SH2B1: variants seen among roughly 807,000 people sequenced by gnomAD.
SH2B1 encodes the protein SH2B adapter protein 1.
In SH2B1, 15 loss-of-function variants were observed where a neutral mutation model predicts 62.6. That is an observed-to-expected ratio of 0.24 (90% CI 0.16 to 0.37). SH2B1 has a LOEUF of 0.37. SH2B1 is among the 10% of genes least tolerant of loss of function. The pLI is 1.00. For missense variants in SH2B1, 925 were observed against 1,015.6 expected (o/e 0.91, Z 1.21); for synonymous variants, 443 against 438.0 (o/e 1.01, Z -0.14).
In SH2B1 at chr16:28,864,083, C is replaced by A. The variant is rs1479186159; in HGVS notation, c.-2012C>A. On this transcript the variant is annotated 5_prime_UTR_variant, in exon 1 of 8. An upstream open reading frame in the 5' UTR gains an earlier in-frame stop. Transcript: ENST00000684370. ...GAGAGGCACTCGGCCCCGGAGAGTG[C>A]AGCAGACAGGGCTGGTCCCGAGGTG... 7.6e-7 allele frequency: 1 copy of A among 1,319,524 alleles called. No individual in the cohort carries two copies. The highest frequency in any genetic ancestry group is 1.5e-5 in the African/African-American group (1 of 65,914). The allele number at this position is 1,319,524 out of a possible 1,614,324, so 81.7% of individuals were successfully genotyped here. A position where few individuals can be genotyped will look rare whatever the true frequency, so the allele number is the denominator to read the frequency against.
At chr16:28,853,034 G>T (rs1159798479) in intron 1 of SH2B1, among the ~76,000 whole-genome samples, 2 of 77,934 alleles carry the variant, frequency 2.6e-5, no homozygotes, top group Non-Finnish European at 4.4e-5. Flanking sequence ...ACATATATAT[G>T]TACATATATA....
chr16:28,855,787 C>T (rs1962309880), intron 1 of SH2B1, among the ~76,000 whole-genome samples: 1 of 149,284 alleles, frequency 6.7e-6, no homozygotes, highest in African/African-American at 2.4e-5. Context: ...CTACAGGCGC[C>T]CGCCAGCACG....
At position 28,865,457 on chromosome 16, in the gene SH2B1, G is replaced by T; in HGVS notation, c.-638G>T. ...GGTCTAGAATCCCAGCTCCTCTCTA[G>T]CCCCCTGCGAGCTGGGGCGGTGAGG... is the stretch of plus-strand genomic sequence containing the variant. On this transcript the variant is annotated 5_prime_UTR_variant, in exon 1 of 8. It removes the in-frame stop codon of an upstream open reading frame in the 5' UTR. Transcript: ENST00000684370. The T allele has an allele frequency of 1.0e-6, 1 of 985,582 alleles. No individual in the cohort carries two copies. The allele number at this position is 985,582 out of a possible 1,614,324, so 61.1% of individuals were successfully genotyped here.
Position 28,872,463 on chromosome 16 carries a change from C to T in SH2B1, c.1725+62C>T, listed in dbSNP as rs1252264870. The T allele has an allele frequency of 6.4e-6, 10 of 1,572,260 alleles. No individual in the cohort carries two copies. Among genetic ancestry groups the T allele is most frequent in the African/African-American group, 5.4e-5 (4 of 74,424 alleles). On this transcript the variant is annotated intron_variant, in intron 6 of 7. Coordinates refer to ENST00000684370, the MANE Select transcript of SH2B1 (RefSeq NM_001387430.1). The surrounding 1 kb of genome is among the most constrained non-coding windows in gnomAD (Gnocchi z 5.3). The stretch of plus-strand genomic sequence containing the variant: ...TAGTTGGCAGTGGGGTGGGGGAGCA[C>T]TGCCGGGGGAGGGGGTTTGTACCTG...
At chr16:28,853,014 T>TTTATATGTACA (rs1962223340) in intron 1 of SH2B1, among the ~76,000 whole-genome samples, 3 of 77,106 alleles carry the variant, frequency 3.9e-5, no homozygotes, top group South Asian at 3.1e-4. Context: ...ACATATATAT[T>TTTATATGTACA]TATATATGTA....
chr16:28,847,162 G>A (rs757053442), intron 1 of SH2B1, among the ~76,000 whole-genome samples: 32 of 152,334 alleles, frequency 2.1e-4, no homozygotes, highest in Middle Eastern at 3.4e-3. Flanking sequence ...CAGATGAGGA[G>A]CCAAGGATGA....
Position 28,874,004 on chromosome 16 carries a change from C to A in SH2B1, c.*184C>A. On this transcript the variant is annotated 3_prime_UTR_variant, in exon 8 of 8. Transcript: ENST00000684370. ...CCCGTCACACACTACAGGTCCCCTC[C>A]CCAGGGCAGGGGATTTGGGCTCCAT... The A allele has an allele frequency of 2.0e-6, 1 of 497,496 alleles. No individual in the cohort carries two copies. The highest frequency in any genetic ancestry group is 3.2e-6 in the Non-Finnish European group (1 of 315,100). 30.8% of individuals were successfully genotyped at this position (497,496 alleles called of 1,614,324 possible).
At position 28,864,834 on chromosome 16, in the gene SH2B1, A is replaced by G. The variant is rs1962597967; in HGVS notation, c.-1261A>G. 2 of 266,964 alleles carry G rather than the reference A, an allele frequency of 7.5e-6. No homozygotes were observed. The highest frequency in any genetic ancestry group is 1.8e-3 in the Middle Eastern group (1 of 546). 16.5% of individuals were successfully genotyped at this position (266,964 alleles called of 1,614,324 possible). On this transcript the variant is annotated 5_prime_UTR_variant, in exon 1 of 8. Transcript: ENST00000684370. ...AATAATATTCTTCTCCCACATGAAGATAGTAACAATGGCAGTCGTTCAGCG... is the reference window on the plus strand; with the variant it reads ...AATAATATTCTTCTCCCACATGAAGGTAGTAACAATGGCAGTCGTTCAGCG...
At chr16:28,853,768 G>A in intron 1 of SH2B1, among the ~76,000 whole-genome samples, 1 of 151,408 alleles carries the variant, frequency 6.6e-6, no homozygotes, top group East Asian at 2.0e-4. Flanking sequence ...GGGAGGCCAA[G>A]GCGGGCGGAT....
chr16:28,871,620 A>G (rs1332447708), intron 4 of SH2B1, among the ~76,000 whole-genome samples, 160 bp from the exon 5 acceptor site: 2 of 152,166 alleles, frequency 1.3e-5, no homozygotes, highest in African/African-American at 4.8e-5. Context: ...ATCAGTTAGG[A>G]GCCATTGGTA....
Position 28,873,783 on chromosome 16 carries a change from AC to A in SH2B1, c.2238del (p.Arg747GlyfsTer54). The A allele has an allele frequency of 6.8e-7, 1 of 1,461,636 alleles. No homozygotes were observed. The highest frequency in any genetic ancestry group is 9.0e-7 in the Non-Finnish European group (1 of 1,108,636). The allele number at this position is 1,461,636 out of a possible 1,614,324, so 90.5% of individuals were successfully genotyped here. A position where few individuals can be genotyped will look rare whatever the true frequency, so the allele number is the denominator to read the frequency against. On this transcript the variant is annotated frameshift_variant, in exon 8 of 8. Transcript: ENST00000684370. LOFTEE classifies it high-confidence loss of function. The surrounding 1 kb of genome is among the most constrained non-coding windows in gnomAD (Gnocchi z 4.2). ...GGGGGTGATGGAGAGGAAGGGGGCC[AC>A]CCCAGGGCCATTAACAACCAGTACT... ...PLGGDGEEGG[H>X]PRAINNQYSF...
rs560047552 is a variant in SH2B1 at position 28,870,196 on chromosome 16, G to A, written c.1309+813G>A. Among the ~76,000 whole-genome samples, 18 of 152,362 alleles carry A rather than the reference G, an allele frequency of 1.2e-4. No homozygotes were observed. In the South Asian group the frequency reaches 3.5e-3, roughly 30 times the overall value. ...GACAGACTTGGAGGATGGCCCTAGT[G>A]CATACCTGGCCCTGCTCTGTGTCCC... On this transcript the variant is annotated intron_variant, in intron 4 of 7. Transcript: ENST00000684370.
Position 28,866,217 on chromosome 16 carries a change from T to C in SH2B1, c.123T>C (p.Phe41=), listed in dbSNP as rs753271184. The change falls in exon 1 of 8, where the codon TTT becomes TTC. Residue 41 remains phenylalanine (F), a synonymous_variant. Coordinates refer to ENST00000684370, the MANE Select transcript of SH2B1 (RefSeq NM_001387430.1). This position sits in a 1 kb window ranked among gnomAD's most constrained non-coding sequence, Gnocchi z 6.3. The stretch of plus-strand genomic sequence containing the variant: ...ACGCCCGGGCTGCGGCTCTGGACTT[T>C]GCCCGCCGTTTTCGCCTCTACCTGG... The part of the protein sequence containing the change: ...ESHARAAALD[F]ARRFRLYLAS... 6.2e-6 allele frequency: 10 copies of C among 1,607,502 alleles called. No homozygotes were observed. The highest frequency in any genetic ancestry group is 5.0e-5 in the Admixed American group (3 of 59,694).
At position 28,869,030 on chromosome 16, in the gene SH2B1, A is replaced by G. The variant is rs776972338; in HGVS notation, c.1066A>G (p.Met356Val). The change falls in exon 3 of 8, where the codon ATG becomes GTG. Residue 356 changes from methionine (M) to valine (V), a missense_variant. Physicochemically the swap from Met to Val is conservative, Grantham distance 21. This residue lies in a region of SH2B1 where 683 missense variants were observed against 704.0 expected (regional missense o/e 0.97). Coordinates refer to ENST00000684370, the MANE Select transcript of SH2B1 (RefSeq NM_001387430.1). ...VKVEGPSEYI[M>V]ETVDAQHVKA... Reference sequence around the variant, plus strand: ...GGTGGAAGGTCCATCCGAGTATATCATGGAGACAGTGGATGCCCAGCATGT... The same window carrying G: ...GGTGGAAGGTCCATCCGAGTATATCGTGGAGACAGTGGATGCCCAGCATGT... 31 of 1,613,978 alleles carry G rather than the reference A, an allele frequency of 1.9e-5. No individual in the cohort carries two copies. Among genetic ancestry groups the G allele is most frequent in the Non-Finnish European group, 2.3e-5 (27 of 1,179,988 alleles).
chr16:28,852,863 T>TG, intron 1 of SH2B1, among the ~76,000 whole-genome samples: 1 of 91,450 alleles, frequency 1.1e-5, no homozygotes, highest in Non-Finnish European at 1.9e-5. Flanking sequence ...TTTATATATA[T>TG]TTACATATAT....
chr16:28,847,157 G>A (rs1362435508), intron 1 of SH2B1, among the ~76,000 whole-genome samples: 5 of 152,222 alleles, frequency 3.3e-5, no homozygotes, highest in African/African-American at 1.2e-4. Context: ...TTTTGCAGAT[G>A]AGGAGCCAAG....
intron 4 of SH2B1, among the ~76,000 whole-genome samples, chr16:28,869,807 A>G (rs1176275015): frequency 6.6e-6 from 1 of 152,196 alleles, no homozygotes; most frequent in East Asian, 1.9e-4. Context: ...CCAAACACAC[A>G]TACCCGACCC....
Position 28,872,557 on chromosome 16 carries a change from G to C in SH2B1, c.1749G>C (p.Glu583Asp), listed in dbSNP as rs759490537. The C allele has an allele frequency of 6.2e-7, 1 of 1,612,480 alleles. No individual in the cohort carries two copies. The highest frequency in any genetic ancestry group is 8.5e-7 in the Non-Finnish European group (1 of 1,178,568). Residue 583 changes from glutamate (E) to aspartate (D), a missense_variant, in exon 7 of 8, where the codon GAG becomes GAC. Glu to Asp is a conservative substitution (Grantham distance 45). Coordinates refer to ENST00000684370, the MANE Select transcript of SH2B1 (RefSeq NM_001387430.1). This position sits in a 1 kb window ranked among gnomAD's most constrained non-coding sequence, Gnocchi z 5.3. ...AGCACCTGCGTTTGTCGCTGAACGA[G>C]GAGGGTCAGTGCCGGGTCCAGCACC... Reference protein sequence around the residue: ...KAKHLRLSLNEEGQCRVQHLW... With the variant: ...KAKHLRLSLNDEGQCRVQHLW...
In SH2B1 at chr16:28,873,980, C is replaced by T; in HGVS notation, c.*160C>T. The T allele has an allele frequency of 4.7e-6, 3 of 632,064 alleles. No individual in the cohort carries two copies. Among genetic ancestry groups the T allele is most frequent in the Non-Finnish European group, 7.0e-6 (3 of 427,558 alleles). 39.2% of individuals were successfully genotyped at this position (632,064 alleles called of 1,614,324 possible). A position where few individuals can be genotyped will look rare whatever the true frequency, so the allele number is the denominator to read the frequency against. Reference sequence around the variant, plus strand: ...ACAAGCAGAGGCTCGGGAGAGGCTCCCGTCACACACTACAGGTCCCCTCCC... The same window carrying T: ...ACAAGCAGAGGCTCGGGAGAGGCTCTCGTCACACACTACAGGTCCCCTCCC... On this transcript the variant is annotated 3_prime_UTR_variant, in exon 8 of 8. Transcript: ENST00000684370. This position sits in a 1 kb window ranked among gnomAD's most constrained non-coding sequence, Gnocchi z 4.2.
Sources: allele counts gnomAD v4.1 joint callset (sites outside exome capture counted in the v4.1 genomes callset), GRCh38; gene constraint gnomAD v4.1.1; regional missense constraint gnomAD v4.1.1; non-coding constraint Gnocchi (gnomAD v3.1); transcripts MANE v1.5; gene names NCBI Gene and HGNC (gene_info 2026-07-23, HGNC 2026-07-21).